TRIM44: variants seen among roughly 807,000 people sequenced by gnomAD.
The protein encoded by TRIM44 is tripartite motif containing 44.
A neutral mutation model predicts 37.4 loss-of-function variants in TRIM44; 13 were observed. The observed-to-expected ratio is 0.35, with a 90% CI of 0.23 to 0.55. The LOEUF is 0.55. Ranked by LOEUF, TRIM44 falls within the 20% of genes least tolerant of loss-of-function variation. The probability of loss-of-function intolerance (pLI) is 0.89; values close to 1 mark genes in which losing one functional copy is unlikely to be tolerated. For synonymous variants in TRIM44, 175 were observed against 157.2 expected (o/e 1.11, Z -0.85); for missense variants, 426 against 437.2 (o/e 0.97, Z 0.23).
intron 4 of TRIM44, among the ~76,000 whole-genome samples, chr11:35,765,039 CT>C (rs1388087881): frequency 6.6e-6 from 1 of 151,890 alleles, no homozygotes; most frequent in Non-Finnish European, 1.5e-5. Flanking sequence ...TATCGAAAGA[CT>C]TTTTTTTGTT....
chr11:35,752,920 T>C (rs1327726617), intron 4 of TRIM44, among the ~76,000 whole-genome samples: 2 of 152,226 alleles, frequency 1.3e-5, no homozygotes, highest in African/African-American at 2.4e-5. Context: ...ATTTAACTTA[T>C]TTTCTTTCTT....
At chr11:35,758,747 C>T (rs551347772) in intron 4 of TRIM44, among the ~76,000 whole-genome samples, 96 of 152,204 alleles carry the variant, frequency 6.3e-4, no homozygotes, top group South Asian at 1.2e-3. Context: ...TTTATTTCTC[C>T]TTCACTTATG....
At chr11:35,726,194 A>G (rs1413716966) in intron 3 of TRIM44, 31 bp downstream of exon 3, 1 of 1,607,696 alleles carries the variant, frequency 6.2e-7, no homozygotes, top group Non-Finnish European at 8.5e-7. Flanking sequence ...TATTAGTAGC[A>G]AGAGAAATAG....
chr11:35,733,194 G>T lies in TRIM44; in HGVS notation c.988-2232G>T, dbSNP rs943622939. On this transcript the variant is annotated intron_variant, in intron 3 of 4. Coordinates refer to ENST00000299413, the MANE Select transcript of TRIM44 (RefSeq NM_017583.6). ...AAACTGAACCTTGGAGAAGAAAATT[G>T]CCAAAAGCTTCACTTTTGGGATTAA... 5.9e-5 allele frequency among the ~76,000 whole-genome samples: 9 copies of T among 152,110 alleles called. No homozygotes were observed. In the East Asian group the frequency reaches 1.5e-3, roughly 26 times the overall value.
Position 35,663,073 on chromosome 11 carries a change from C to A in TRIM44, c.-39C>A, listed in dbSNP as rs773576716. On this transcript the variant is annotated 5_prime_UTR_variant, in exon 1 of 5. Transcript: ENST00000299413. ...GCCGCGCGGAAGGAAGGCGGCGAGC[C>A]CCGGGGCCCCGAGGCCTTGGCCGCG... is the stretch of plus-strand genomic sequence containing the variant. The A allele has an allele frequency of 3.4e-6, 5 of 1,482,026 alleles. No individual in the cohort carries two copies. The highest frequency in any genetic ancestry group is 1.4e-5 in the South Asian group (1 of 71,222). 91.8% of individuals were successfully genotyped at this position (1,482,026 alleles called of 1,614,324 possible).
chr11:35,728,477 T>G (rs1852213709), intron 3 of TRIM44, among the ~76,000 whole-genome samples: 2 of 152,208 alleles, frequency 1.3e-5, no homozygotes, highest in Admixed American at 1.3e-4. Flanking sequence ...ATGCAAGAGC[T>G]GACAAGGCTT....
At chr11:35,728,883 T>C (rs1852218577) in intron 3 of TRIM44, among the ~76,000 whole-genome samples, 1 of 152,196 alleles carries the variant, frequency 6.6e-6, no homozygotes, top group Non-Finnish European at 1.5e-5. Context: ...CACTCACTGA[T>C]CTATTTTATT....
intron 4 of TRIM44, among the ~76,000 whole-genome samples, chr11:35,799,237 G>A (rs1197700668): frequency 2.6e-5 from 4 of 152,238 alleles, no homozygotes; most frequent in Admixed American, 6.5e-5. Context: ...TCTGCCAAGT[G>A]CAAGAAAGGT....
intron 4 of TRIM44, among the ~76,000 whole-genome samples, chr11:35,762,547 A>T (rs1308798144): frequency 6.6e-6 from 1 of 152,134 alleles, no homozygotes; most frequent in African/African-American, 2.4e-5. Context: ...TTGTGATAGG[A>T]TGAAATCCTT....
chr11:35,721,148 C>G (rs1852102299), intron 2 of TRIM44, among the ~76,000 whole-genome samples: 1 of 152,138 alleles, frequency 6.6e-6, no homozygotes, highest in African/African-American at 2.4e-5. Flanking sequence ...AGGTGATCCA[C>G]CCACGTCAAC....
intron 4 of TRIM44, among the ~76,000 whole-genome samples, chr11:35,762,003 C>A (rs1244711356): frequency 6.6e-6 from 1 of 152,126 alleles, no homozygotes; most frequent in Non-Finnish European, 1.5e-5. Flanking sequence ...TTTTCCCTTT[C>A]CTTGGGAGGT....
intron 2 of TRIM44, among the ~76,000 whole-genome samples, chr11:35,688,829 G>A (rs1851610400): frequency 6.6e-6 from 1 of 152,168 alleles, no homozygotes; most frequent in Non-Finnish European, 1.5e-5. Context: ...AAATTATCAG[G>A]TGATGCTGAT....
At chr11:35,709,167 C>T (rs1851934571) in intron 2 of TRIM44, among the ~76,000 whole-genome samples, 1 of 152,112 alleles carries the variant, frequency 6.6e-6, no homozygotes, top group Non-Finnish European at 1.5e-5. Flanking sequence ...TGGAGGCTCT[C>T]ATTTGTAAAT....
At chr11:35,688,462 A>G (rs1172975165) in intron 2 of TRIM44, among the ~76,000 whole-genome samples, 2 of 152,186 alleles carry the variant, frequency 1.3e-5, no homozygotes, top group Non-Finnish European at 2.9e-5. Flanking sequence ...ATCTCCCCTA[A>G]GTTAGCCACT....
intron 1 of TRIM44, among the ~76,000 whole-genome samples, chr11:35,679,500 G>C (rs1851501286): frequency 6.6e-6 from 1 of 152,088 alleles, no homozygotes; most frequent in Non-Finnish European, 1.5e-5. Flanking sequence ...TTGCTTCCAG[G>C]GATAGCAACT....
At chr11:35,688,775 T>A (rs1457436666) in intron 2 of TRIM44, among the ~76,000 whole-genome samples, 1 of 152,348 alleles carries the variant, frequency 6.6e-6, no homozygotes, top group East Asian at 1.9e-4. Flanking sequence ...CCAGAGTTTT[T>A]TATTCAATTG....
chr11:35,773,229 C>A (rs1852898581), intron 4 of TRIM44, among the ~76,000 whole-genome samples: 1 of 152,138 alleles, frequency 6.6e-6, no homozygotes, highest in African/African-American at 2.4e-5. Flanking sequence ...TCTTGCCAGT[C>A]TCGGTTATGT....
intron 4 of TRIM44, among the ~76,000 whole-genome samples, chr11:35,776,964 A>G (rs1342984019): frequency 6.6e-6 from 1 of 152,198 alleles, no homozygotes; most frequent in Admixed American, 6.5e-5. Context: ...GTAGATATCT[A>G]TTAGGTCTGC....
intron 4 of TRIM44, among the ~76,000 whole-genome samples, chr11:35,736,431 A>G (rs1486269064): frequency 6.6e-6 from 1 of 152,214 alleles, no homozygotes; most frequent in Non-Finnish European, 1.5e-5. Flanking sequence ...TCGCTTATTA[A>G]AAGAAGCTAA....
Sources: gnomAD v4.1 joint callset for allele counts (sites outside exome capture counted in the v4.1 genomes callset) on GRCh38, gnomAD v4.1.1 for gene constraint, MANE v1.5 for transcripts, NCBI Gene and HGNC (gene_info 2026-07-23, HGNC 2026-07-21) for gene names.